ERC1: variants seen among roughly 807,000 people sequenced by gnomAD.
The protein encoded by ERC1 is RAB6 interacting protein 2.
In ERC1, 56 loss-of-function variants were observed where a neutral mutation model predicts 132.0. That is an observed-to-expected ratio of 0.42 (90% CI 0.34 to 0.53). The LOEUF (loss-of-function observed/expected upper bound fraction) is 0.53, where lower values mean the gene tolerates loss of function less well. Among genes scored for constraint, ERC1 ranks in the 20% least tolerant of loss-of-function variants. ERC1 has a pLI of 0.03. For synonymous variants in ERC1, 478 were observed against 476.1 expected (o/e 1.00, Z -0.05); for missense variants, 1,202 against 1,349.9 (o/e 0.89, Z 1.72).
At chr12:1,467,496 A>G (rs1234971251) in intron 18 of ERC1, among the ~76,000 whole-genome samples, 1 of 152,144 alleles carries the variant, frequency 6.6e-6, no homozygotes, top group Non-Finnish European at 1.5e-5. Context: ...GAGCATCTTT[A>G]TTCTTAGGAT....
chr12:1,028,130 A>G lies in ERC1; in HGVS notation c.227A>G (p.Asp76Gly). ...YATSGPMYLSDHENVGSETPK... is the reference protein window; with the variant it reads ...YATSGPMYLSGHENVGSETPK... The stretch of plus-strand genomic sequence containing the variant: ...ACCTCTGGCCCTATGTATCTAAGTG[A>G]CCATGAAAATGTGGGTTCAGAAACA... The change falls in exon 2 of 19, where the codon GAC becomes GGC. Residue 76 changes from aspartate (D) to glycine (G), a missense_variant. Asp to Gly is a moderately conservative substitution (Grantham distance 94). Transcript: ENST00000360905. 1 of 1,614,194 alleles carries G rather than the reference A, an allele frequency of 6.2e-7. No homozygotes were observed. The highest frequency in any genetic ancestry group is 8.5e-7 in the Non-Finnish European group (1 of 1,180,028).
At chr12:1,220,096 C>T (rs991869108) in intron 12 of ERC1, among the ~76,000 whole-genome samples, 6 of 152,138 alleles carry the variant, frequency 3.9e-5, no homozygotes, top group Admixed American at 2.0e-4. Context: ...TCCTCAAAGC[C>T]TTTGTAGTTA....
intron 3 of ERC1, among the ~76,000 whole-genome samples, chr12:1,084,970 G>C (rs1284483656): frequency 1.5e-5 from 1 of 65,626 alleles, no homozygotes; most frequent in East Asian, 8.5e-4. Flanking sequence ...TGAAAGTGCT[G>C]ACATTACAGG....
intron 15 of ERC1, among the ~76,000 whole-genome samples, chr12:1,293,390 T>C (rs887302683): frequency 7.9e-6 from 1 of 126,820 alleles, no homozygotes; most frequent in Non-Finnish European, 1.7e-5. Context: ...GAGGCGGAGC[T>C]TGCAGTGAGC....
intron 7 of ERC1, among the ~76,000 whole-genome samples, chr12:1,129,905 A>G (rs1481403370): frequency 1.3e-5 from 2 of 152,194 alleles, no homozygotes; most frequent in Admixed American, 6.5e-5. Context: ...ATATAATAGT[A>G]TGGCATAGAC....
intron 14 of ERC1, among the ~76,000 whole-genome samples, chr12:1,264,492 G>A (rs991891715): frequency 1.3e-5 from 2 of 151,902 alleles, no homozygotes; most frequent in South Asian, 2.1e-4. Context: ...GTGAAACCCC[G>A]TCTCTACTAA....
intron 8 of ERC1, chr12:1,152,215 A>G (rs1950902303): frequency 6.6e-6 from 1 of 151,982 alleles, no homozygotes; most frequent in African/African-American, 2.4e-5. Context: ...AGAAAAAAAA[A>G]AAAAAGCTCA....
chr12:1,007,491 TC>T (rs1963879818), intron 1 of ERC1, among the ~76,000 whole-genome samples: 1 of 144,342 alleles, frequency 6.9e-6, no homozygotes, highest in Admixed American at 7.0e-5. Flanking sequence ...TCTCTCTCTC[TC>T]TTTCTCTCTC....
intron 15 of ERC1, among the ~76,000 whole-genome samples, chr12:1,334,466 A>G (rs2083142247): frequency 6.6e-6 from 1 of 152,156 alleles, no homozygotes; most frequent in Admixed American, 6.5e-5. Flanking sequence ...GCCAGTTACC[A>G]CAGCATCATT....
intron 2 of ERC1, among the ~76,000 whole-genome samples, chr12:1,079,274 T>G (rs1313812406): frequency 2.0e-5 from 3 of 151,432 alleles, no homozygotes; most frequent in Non-Finnish European, 3.0e-5. Flanking sequence ...AGAAATGATT[T>G]GTAATACGAC....
chr12:1,279,678 T>A (rs139062108), intron 14 of ERC1, among the ~76,000 whole-genome samples: 33,052 of 149,142 alleles, frequency 0.22, 4,443 homozygotes, highest in Non-Finnish European at 0.3. Flanking sequence ...TTTTTAATTT[T>A]ATTTTATTTT....
rs542744382 is a variant in ERC1 at position 1,127,947 on chromosome 12, G to A, written c.1569+11914G>A. Among the ~76,000 whole-genome samples, 31 of 152,178 alleles carry A rather than the reference G, an allele frequency of 2.0e-4. 2 individuals carry two copies. The highest frequency in any genetic ancestry group is 3.4e-3 in the Middle Eastern group (1 of 294). On this transcript the variant is annotated intron_variant, in intron 7 of 18. Transcript: ENST00000360905. ...AGTACTATCCTGAGAAAGGTCGGAC[G>A]AGAAAAAAATTCCTCCTACCAGTAT...
chr12:1,443,656 G>A (rs2154410770), intron 17 of ERC1: 1 of 152,434 alleles, frequency 6.6e-6, no homozygotes, highest in South Asian at 2.1e-4. Flanking sequence ...CTGTGATGGT[G>A]AGGTCTGGCC....
intron 12 of ERC1, among the ~76,000 whole-genome samples, chr12:1,211,718 C>G (rs1957893534): frequency 6.6e-6 from 1 of 151,684 alleles, no homozygotes; most frequent in Non-Finnish European, 1.5e-5. Context: ...CACCACCACG[C>G]CCAGCTAATT....
chr12:1,035,967 C>T (rs1401829717), intron 2 of ERC1, among the ~76,000 whole-genome samples: 2 of 151,278 alleles, frequency 1.3e-5, no homozygotes, highest in East Asian at 1.9e-4. Context: ...AAATTCTAAA[C>T]AGCATTTAAC....
At chr12:1,166,250 T>C (rs572273694) in intron 8 of ERC1, among the ~76,000 whole-genome samples, 38 of 152,280 alleles carry the variant, frequency 2.5e-4, no homozygotes, top group African/African-American at 8.7e-4. Flanking sequence ...GTGCTGTTCT[T>C]GCAATAGTGA....
intron 2 of ERC1, among the ~76,000 whole-genome samples, chr12:1,046,296 C>G (rs553431545): frequency 5.9e-5 from 9 of 152,280 alleles, no homozygotes; most frequent in Non-Finnish European, 7.4e-5. Flanking sequence ...TGGTCATGGA[C>G]TGGCTTTGAG....
At chr12:1,398,200 T>A (rs542525256) in intron 16 of ERC1, among the ~76,000 whole-genome samples, 31 of 151,906 alleles carry the variant, frequency 2.0e-4, no homozygotes, top group Non-Finnish European at 4.0e-4. Flanking sequence ...CCCAGGCTGG[T>A]CTCAAACTCC....
chr12:1,371,480 G>A (rs1308603922), intron 15 of ERC1, among the ~76,000 whole-genome samples: 1 of 152,116 alleles, frequency 6.6e-6, no homozygotes, highest in African/African-American at 2.4e-5. Flanking sequence ...CCTCAAAATG[G>A]GGGTACTGAT....
Sources: gnomAD v4.1 joint callset for allele counts (sites outside exome capture counted in the v4.1 genomes callset) on GRCh38, gnomAD v4.1.1 for gene constraint, MANE v1.5 for transcripts, NCBI Gene and HGNC (gene_info 2026-07-23, HGNC 2026-07-21) for gene names.